The following LRRFIP1 variants were observed in gnomAD, a reference collection of about 807,000 sequenced individuals.
LRRFIP1 encodes the protein leucine-rich repeat flightless-interacting protein 1.
In LRRFIP1, 62 loss-of-function variants were observed where a neutral mutation model predicts 104.4. The ratio of observed to expected loss-of-function variants is 0.59; its 90% confidence interval spans 0.48 to 0.73. LRRFIP1 has a LOEUF of 0.73. Ranked by LOEUF, LRRFIP1 falls within the 30% of genes least tolerant of loss-of-function variation. The pLI is 0.00. For missense variants in LRRFIP1, 796 were observed against 824.5 expected (o/e 0.97, Z 0.42); for synonymous variants, 300 against 299.0 (o/e 1.00, Z -0.03).
intron 1 of LRRFIP1, among the ~76,000 whole-genome samples, chr2:237,670,351 A>G (rs1462154670): frequency 6.6e-6 from 1 of 152,196 alleles, no homozygotes; most frequent in African/African-American, 2.4e-5. Flanking sequence ...CCTAGGCCAG[A>G]TGTACTAGGA....
At position 237,718,819 on chromosome 2, in the gene LRRFIP1, AT is replaced by A. The variant is rs201471872; in HGVS notation, c.250-703del. On this transcript the variant is annotated intron_variant, in intron 4 of 23. Transcript: ENST00000308482. ...AGCACACACTTACTGTATTGAAAAT[AT>A]GATTACATTCAGCCTAGGCAAACCA... 2.6e-5 allele frequency among the ~76,000 whole-genome samples: 4 copies of A among 152,384 alleles called. No homozygotes were observed. In the East Asian group the frequency reaches 7.7e-4, roughly 29 times the overall value.
At chr2:237,767,198 AAG>A (rs1207915397) in intron 19 of LRRFIP1, among the ~76,000 whole-genome samples, 2 of 152,132 alleles carry the variant, frequency 1.3e-5, no homozygotes, top group East Asian at 3.8e-4. Flanking sequence ...AGAAAAGAAA[AAG>A]AAAGTTGACT....
intron 1 of LRRFIP1, among the ~76,000 whole-genome samples, chr2:237,644,225 G>A (rs74493820): frequency 0.038 from 5,750 of 152,304 alleles, 326 homozygotes; most frequent in African/African-American, 0.13. Flanking sequence ...CGATGAGCTC[G>A]CACTCCCTAA....
chr2:237,671,197 G>C (rs1432605522), intron 1 of LRRFIP1, among the ~76,000 whole-genome samples: 1 of 152,200 alleles, frequency 6.6e-6, no homozygotes. Context: ...CCATGGACTT[G>C]TGTCCCTCGT....
At position 237,717,456 on chromosome 2, in the gene LRRFIP1, C is replaced by T. The variant is rs1396531223; in HGVS notation, c.202-306C>T. The stretch of plus-strand genomic sequence containing the variant: ...GGAGGGGGCGTGAAGGCTGCTGGGC[C>T]GGCTTTACTGTCCTGCTCTCCCCCG... On this transcript the variant is annotated intron_variant, in intron 3 of 23. Coordinates refer to ENST00000308482, the MANE Select transcript of LRRFIP1 (RefSeq NM_001137550.2). This position sits in a 1 kb window ranked among gnomAD's most constrained non-coding sequence, Gnocchi z 4.2. Among the ~76,000 whole-genome samples the T allele has an allele frequency of 2.6e-5, 4 of 152,184 alleles. No homozygotes were observed. The highest frequency in any genetic ancestry group is 6.5e-5 in the Admixed American group (1 of 15,288).
At chr2:237,742,121 C>G (rs1459860853) in intron 11 of LRRFIP1, among the ~76,000 whole-genome samples, 2 of 152,148 alleles carry the variant, frequency 1.3e-5, no homozygotes, top group Admixed American at 1.3e-4. Flanking sequence ...ATACAAATTC[C>G]TTTGTCATGT....
chr2:237,708,590 G>C lies in LRRFIP1; in HGVS notation c.143G>C (p.Arg48Pro). The C allele has an allele frequency of 6.3e-7, 1 of 1,599,734 alleles. No individual in the cohort carries two copies. The highest frequency in any genetic ancestry group is 8.5e-7 in the Non-Finnish European group (1 of 1,171,062). Residue 48 changes from arginine to proline, a missense_variant, in exon 2 of 24, where the codon CGC becomes CCC. Transcript: ENST00000308482. ...AAKRAARAEA[R>P]EIRMKELERQ... The stretch of plus-strand genomic sequence containing the variant: ...AAACGGGCGGCCCGCGCGGAGGCTC[G>C]CGAGATCCGCATGAAGGAGCTGGAG...
At chr2:237,708,468 G>T (rs1055468367) in intron 1 of LRRFIP1, 76 bp from the exon 2 acceptor site, 3 of 1,065,790 alleles carry the variant, frequency 2.8e-6, no homozygotes, top group East Asian at 2.6e-5. Context: ...TTTTCTTTCC[G>T]CATCATCACT....
At chr2:237,736,218 T>C (rs967451446) in intron 10 of LRRFIP1, among the ~76,000 whole-genome samples, 5 of 152,248 alleles carry the variant, frequency 3.3e-5, no homozygotes, top group Non-Finnish European at 2.9e-5. Context: ...AAATGTAATT[T>C]ATGAATATTA....
At chr2:237,751,578 G>A (rs74752820) in intron 14 of LRRFIP1, among the ~76,000 whole-genome samples, 3,329 of 152,272 alleles carry the variant, frequency 0.022, 128 homozygotes, top group African/African-American at 0.075. Context: ...TCCCATAGGC[G>A]TGTGCCAGAC....
At chr2:237,733,255 G>A (rs1242626715) in intron 8 of LRRFIP1, among the ~76,000 whole-genome samples, 1 of 152,198 alleles carries the variant, frequency 6.6e-6, no homozygotes, top group Admixed American at 6.5e-5. Flanking sequence ...CGGCTCCTCT[G>A]GGGGTGCCTC....
At chr2:237,643,219 G>A (rs887445111) in intron 1 of LRRFIP1, among the ~76,000 whole-genome samples, 7 of 152,228 alleles carry the variant, frequency 4.6e-5, no homozygotes, top group Non-Finnish European at 1.0e-4. Context: ...ACCTCTTTTG[G>A]CAACGCTGTT....
intron 1 of LRRFIP1, among the ~76,000 whole-genome samples, chr2:237,695,179 G>A (rs780848809): frequency 6.6e-6 from 1 of 152,208 alleles, no homozygotes; most frequent in Admixed American, 6.5e-5. Flanking sequence ...TTTTCTAGTA[G>A]TATTGAGAGT....
chr2:237,739,348 C>T (rs1359158852), intron 11 of LRRFIP1, 39 bp downstream of exon 11: 2 of 1,489,874 alleles, frequency 1.3e-6, no homozygotes, highest in South Asian at 1.2e-5. Flanking sequence ...CTCAGTGTCA[C>T]CCTCCCTCCC....
intron 1 of LRRFIP1, among the ~76,000 whole-genome samples, chr2:237,686,433 A>G (rs1247249306): frequency 2.0e-5 from 3 of 152,258 alleles, no homozygotes; most frequent in African/African-American, 7.2e-5. Flanking sequence ...CTGAAGATCA[A>G]TGAGAATTAA....
intron 1 of LRRFIP1, among the ~76,000 whole-genome samples, chr2:237,648,828 C>A (rs140830909): frequency 6.6e-6 from 1 of 151,656 alleles, no homozygotes; most frequent in East Asian, 1.9e-4. Context: ...GCAGTGATGA[C>A]CAGGCTCCCC....
At position 237,670,084 on chromosome 2, in the gene LRRFIP1, C is replaced by T. The variant is rs79753113; in HGVS notation, c.97-38460C>T. On this transcript the variant is annotated intron_variant, in intron 1 of 23. Transcript: ENST00000308482. ...ATAGTTCTAATTTTAGAAAGGAAAA[C>T]GTAATGCATATTCTCATGATGATTT... 6.3e-3 allele frequency among the ~76,000 whole-genome samples: 961 copies of T among 152,302 alleles called. 9 individuals are homozygous for T. The highest frequency in any genetic ancestry group is 0.021 in the African/African-American group (888 of 41,554).
chr2:237,675,101 C>A (rs148011013), intron 1 of LRRFIP1, among the ~76,000 whole-genome samples: 77 of 152,340 alleles, frequency 5.1e-4, no homozygotes, highest in Middle Eastern at 3.4e-3. Context: ...TTTTCACACG[C>A]CCAGACACCA....
chr2:237,717,663 G>T lies in LRRFIP1; in HGVS notation c.202-99G>T. 1.1e-6 allele frequency: 1 copy of T among 933,672 alleles called. No homozygotes were observed. Among genetic ancestry groups the T allele is most frequent in the South Asian group, 1.3e-5 (1 of 77,418 alleles). 57.8% of individuals were successfully genotyped at this position (933,672 alleles called of 1,614,324 possible). A position where few individuals can be genotyped will look rare whatever the true frequency, so the allele number is the denominator to read the frequency against. ...GCGTGTTACCTTCACCACACGGCTG[G>T]ATGGCGGTTTGGAAATGCATGTCAG... On this transcript the variant is annotated intron_variant, in intron 3 of 23. Coordinates refer to ENST00000308482, the MANE Select transcript of LRRFIP1 (RefSeq NM_001137550.2). This position sits in a 1 kb window ranked among gnomAD's most constrained non-coding sequence, Gnocchi z 4.2.
Sources: allele counts gnomAD v4.1 joint callset (sites outside exome capture counted in the v4.1 genomes callset), GRCh38; gene constraint gnomAD v4.1.1; non-coding constraint Gnocchi (gnomAD v3.1); transcripts MANE v1.5; gene names NCBI Gene and HGNC (gene_info 2026-07-23, HGNC 2026-07-21).